The following B4GALNT4 variants were observed in gnomAD, a reference collection of about 807,000 sequenced individuals.
The protein encoded by B4GALNT4 is beta-1,4-N-acetyl-galactosaminyltransferase 4.
Under a neutral mutation model 110.0 loss-of-function variants are expected in B4GALNT4, and 77 were observed. The ratio of observed to expected loss-of-function variants is 0.70; its 90% CI spans 0.58 to 0.85. The LOEUF (loss-of-function observed/expected upper bound fraction) is 0.85. Ranked by LOEUF, B4GALNT4 falls within the 40% of genes least tolerant of loss-of-function variation. The probability of loss-of-function intolerance (pLI) is 0.00; values close to 1 mark genes in which losing one functional copy is unlikely to be tolerated. For missense variants in B4GALNT4, 1,575 were observed against 1,506.0 expected, an observed-to-expected ratio of 1.05 and a Z score of -0.76; for synonymous variants, 785 against 655.5, an observed-to-expected ratio of 1.20 and a Z score of -3.02.
chr11:376,278 G>A lies in B4GALNT4; in HGVS notation c.1224G>A (p.Met408Ile), dbSNP rs776942196. The A allele has an allele frequency of 1.2e-6, 2 of 1,610,108 alleles. No homozygotes were observed. Among genetic ancestry groups the A allele is most frequent in the African/African-American group, 1.3e-5 (1 of 74,924 alleles). Residue 408 changes from methionine (M) to isoleucine (I), a missense_variant, in exon 13 of 20, where the codon ATG (methionine) becomes ATA (isoleucine). Coordinates refer to ENST00000329962, the MANE Select transcript of B4GALNT4 (RefSeq NM_178537.5). ...ERFGFYKYMK[M>I]DKEEGDEDEE... The stretch of plus-strand genomic sequence containing the variant: ...TTGGGTTCTATAAATACATGAAGAT[G>A]GACAAGGAGGAGGGGGATGAGGATG...
chr11:369,634 T>TG lies in B4GALNT4; in HGVS notation c.-163dup, dbSNP rs1165092374. On this transcript the variant is annotated 5_prime_UTR_variant, in exon 1 of 20. An upstream open reading frame in the 5' UTR gains an earlier in-frame stop. Transcript: ENST00000329962. Reference sequence around the variant, plus strand: ...CCCGGGCCCGCGGCCGAGGGCGGCCTGGGGGGGTCGCGGCCGCACCCGGTG... The same window carrying TG: ...CCCGGGCCCGCGGCCGAGGGCGGCCTGGGGGGGGTCGCGGCCGCACCCGGTG... Among the ~76,000 whole-genome samples the TG allele has an allele frequency of 4.3e-5, 6 of 140,258 alleles. No individual in the cohort carries two copies. The East Asian group carries it at 8.9e-4, about 21-fold the overall frequency. The allele number at this position is 140,258 out of a possible 152,430, so 92.0% of individuals were successfully genotyped here.
In B4GALNT4 at chr11:376,505, C is replaced by T. The variant is rs780829436; in HGVS notation, c.1382C>T (p.Ser461Phe). 26 of 1,525,268 alleles carry T rather than the reference C, an allele frequency of 1.7e-5. No individual in the cohort carries two copies. Among genetic ancestry groups the T allele is most frequent in the East Asian group, 4.8e-5 (2 of 41,556 alleles). The allele number at this position is 1,525,268 out of a possible 1,614,324, so 94.5% of individuals were successfully genotyped here. Residue 461 changes from serine (S) to phenylalanine (F), a missense_variant, in exon 14 of 20, where the codon TCC becomes TTC. Transcript: ENST00000329962. ...EAAPPRSGPQ[S>F]PAPAAPAQPG... Reference sequence around the variant, plus strand: ...GCCCCGCCCAGGAGCGGCCCCCAGTCCCCCGCCCCAGCAGCCCCCGCCCAG... The same window carrying T: ...GCCCCGCCCAGGAGCGGCCCCCAGTTCCCCGCCCCAGCAGCCCCCGCCCAG...
At chr11:373,139 G>C (rs1443969846) in intron 5 of B4GALNT4, 23 bp downstream of exon 5, 2 of 1,612,538 alleles carry the variant, frequency 1.2e-6, no homozygotes, top group South Asian at 2.2e-5. Flanking sequence ...GGGTGCCCCG[G>C]GGGAGGGGTG....
At chr11:373,635 C>A (rs1348731126) in intron 7 of B4GALNT4, 115 bp from the exon 8 acceptor site, 2 of 1,516,590 alleles carry the variant, frequency 1.3e-6, no homozygotes, top group Non-Finnish European at 9.1e-7. Flanking sequence ...CCCGGCCAAG[C>A]TGCCATCCTC....
chr11:371,368 G>T (rs770691603), intron 1 of B4GALNT4, among the ~76,000 whole-genome samples: 1 of 152,078 alleles, frequency 6.6e-6, no homozygotes, highest in Non-Finnish European at 1.5e-5. Context: ...GCCTGGGCAG[G>T]CCAGCTCTGC....
rs146988005 is a variant in B4GALNT4, at chr11:380,393, C to T, written c.2817C>T (p.Phe939=). 2.8e-4 allele frequency: 444 copies of T among 1,612,794 alleles called. 1 individual carries two copies. Among genetic ancestry groups the T allele is most frequent in the Non-Finnish European group, 3.6e-4 (424 of 1,179,702 alleles). Residue 939 remains phenylalanine (F), a synonymous_variant, in exon 18 of 20, where the codon TTC becomes TTT. Coordinates refer to ENST00000329962, the MANE Select transcript of B4GALNT4 (RefSeq NM_178537.5). ...ACTGCGTGGAGGGCAGGCTGGCCTT[C>T]GCGCCCGTGGTCATGCGCCTGAGCT... The part of the protein sequence containing the change: ...RKHCVEGRLA[F]APVVMRLSCG...
intron 6 of B4GALNT4, 52 bp downstream of exon 6, chr11:373,343 C>G (rs1846655487): frequency 1.3e-6 from 2 of 1,582,284 alleles, no homozygotes; most frequent in African/African-American, 1.4e-5. Flanking sequence ...AGCTCAGTCA[C>G]CTGTGCCCAC....
intron 15 of B4GALNT4, 27 bp from the exon 16 acceptor site, chr11:379,839 G>A: frequency 6.4e-7 from 1 of 1,567,292 alleles, no homozygotes. Flanking sequence ...CGTCGGCTCA[G>A]CGCCCCCCCC....
In B4GALNT4 at chr11:377,230, C is replaced by T. The variant is rs987706800; in HGVS notation, c.2107C>T (p.Leu703=). Residue 703 remains leucine, a synonymous_variant, in exon 14 of 20, where the codon CTG becomes TTG. Transcript: ENST00000329962. ...FELLRSDWND[L]RCNVSGNLQL... ...GCTGCTGCGCTCGGACTGGAACGAC[C>T]TGCGATGCAACGTTTCGGGGAACCT... 3.1e-6 allele frequency: 5 copies of T among 1,598,080 alleles called. No individual in the cohort carries two copies. In the South Asian group the frequency reaches 4.5e-5, roughly 14 times the overall value.
In B4GALNT4 at chr11:378,721, T is replaced by C. The variant is rs758802729; in HGVS notation, c.2205-697T>C. Among the ~76,000 whole-genome samples the C allele has an allele frequency of 2.6e-4, 39 of 152,138 alleles. 1 individual carries two copies. The highest frequency in any genetic ancestry group is 5.4e-4 in the Non-Finnish European group (37 of 67,992). ...CAGAGTGGAGGGAAACTGAGGTTCT[T>C]GGCCGAGTGGAATGAGGAGGAAGGG... On this transcript the variant is annotated intron_variant, in intron 14 of 19. Transcript: ENST00000329962.
rs1846735881 is a variant in B4GALNT4, at chr11:375,870, C to T, written c.1009C>T (p.Leu337=). ...FLTPRMESSS[L]ENVLEPCAYA... ...AGCTCCACGCATGGAATCTTCGAGC[C>T]TGGAGAACGTGCTGGAGCCCTGCGC... Residue 337 remains leucine (L), a synonymous_variant, in exon 11 of 20, where the codon CTG becomes TTG. Transcript: ENST00000329962. The T allele has an allele frequency of 6.2e-7, 1 of 1,611,208 alleles. No individual in the cohort carries two copies. Among genetic ancestry groups the T allele is most frequent in the African/African-American group, 1.3e-5 (1 of 74,838 alleles).
At chr11:374,237 A>G (rs1436439379) in intron 8 of B4GALNT4, among the ~76,000 whole-genome samples, 6 of 152,048 alleles carry the variant, frequency 3.9e-5, no homozygotes, top group Admixed American at 2.6e-4. Flanking sequence ...GAATGAGGCC[A>G]TTGGATTTGC....
chr11:381,560 C>T (rs55737232), intron 19 of B4GALNT4, 109 bp from the exon 20 acceptor site: 17,150 of 174,228 alleles, frequency 0.098, 1,459 homozygotes, highest in African/African-American at 0.22. Context: ...CACCTCTCCG[C>T]CCCCGGCCCC....
intron 1 of B4GALNT4, among the ~76,000 whole-genome samples, chr11:370,694 T>C (rs113117445): frequency 0.049 from 7,414 of 151,974 alleles, 593 homozygotes; most frequent in African/African-American, 0.17. Flanking sequence ...GGGGAGAAGG[T>C]GGGGCAGAAT....
chr11:373,868 C>T (rs780392489), intron 8 of B4GALNT4, 40 bp downstream of exon 8: 4 of 1,580,004 alleles, frequency 2.5e-6, no homozygotes, highest in Non-Finnish European at 3.5e-6. Context: ...GGAGACTCCA[C>T]TCCCCCCACC....
At position 372,161 on chromosome 11, in the gene B4GALNT4, A is replaced by G; in HGVS notation, c.204A>G (p.Pro68=). The change falls in exon 2 of 20, where the codon CCA becomes CCG. Residue 68 remains proline (P), a synonymous_variant. Coordinates refer to ENST00000329962, the MANE Select transcript of B4GALNT4 (RefSeq NM_178537.5). Reference sequence around the variant, plus strand: ...ACGGCCGGGGGGTCCACGCTGCGCCATCCACACAGAGGGCTGAGGACTCCA... The same window carrying G: ...ACGGCCGGGGGGTCCACGCTGCGCCGTCCACACAGAGGGCTGAGGACTCCA... ...ETDGRGVHAA[P]STQRAEDSSE... 6.5e-7 allele frequency: 1 copy of G among 1,550,088 alleles called. No homozygotes were observed. The highest frequency in any genetic ancestry group is 8.7e-7 in the Non-Finnish European group (1 of 1,146,826).
In B4GALNT4 at chr11:376,251, G is replaced by T. The variant is rs1846748299; in HGVS notation, c.1197G>T (p.Arg399Ser). Residue 399 changes from arginine (R) to serine (S), a missense_variant and splice_region_variant, in exon 13 of 20, where the codon AGG (arginine) becomes AGT (serine). Arg to Ser is a moderately radical substitution (Grantham distance 110). Coordinates refer to ENST00000329962, the MANE Select transcript of B4GALNT4 (RefSeq NM_178537.5). ...FYRESPLYLERFGFYKYMKMD... is the reference protein window; with the variant it reads ...FYRESPLYLESFGFYKYMKMD... ...GCTCTGATGCCCCGCCGCGCCCCAG[G>T]TTTGGGTTCTATAAATACATGAAGA... 1 of 1,609,278 alleles carries T rather than the reference G, an allele frequency of 6.2e-7. No individual in the cohort carries two copies. Among genetic ancestry groups the T allele is most frequent in the Non-Finnish European group, 8.5e-7 (1 of 1,177,806 alleles).
chr11:372,494 G>A (rs1846634444), intron 2 of B4GALNT4, among the ~76,000 whole-genome samples, 168 bp from the exon 3 acceptor site: 1 of 151,952 alleles, frequency 6.6e-6, no homozygotes, highest in Admixed American at 6.6e-5. Flanking sequence ...GGGTGTCTGA[G>A]TGTATGTGCC....
At chr11:375,600 AG>A (rs748027781) in intron 9 of B4GALNT4, 38 bp from the exon 10 acceptor site, 29 of 1,599,132 alleles carry the variant, frequency 1.8e-5, no homozygotes, top group South Asian at 1.6e-4. Flanking sequence ...AGAGTGGAGG[AG>A]GGGGTCTGAG....
Sources: gnomAD v4.1 joint callset for allele counts (sites outside exome capture counted in the v4.1 genomes callset) on GRCh38, gnomAD v4.1.1 for gene constraint, MANE v1.5 for transcripts, NCBI Gene and HGNC (gene_info 2026-07-23, HGNC 2026-07-21) for gene names.